Variants in CSMD1 observed in about 807,000 individuals in gnomAD.
CSMD1 encodes the protein CUB and Sushi multiple domains 1.
CSMD1 carries 213 observed loss-of-function variants against 417.5 expected under a neutral mutation model. That is an observed-to-expected ratio of 0.51 (90% CI 0.46 to 0.57). The LOEUF (loss-of-function observed/expected upper bound fraction) is 0.57, where lower values mean the gene tolerates loss of function less well. CSMD1 is among the 20% of genes least tolerant of loss of function. The probability of loss-of-function intolerance (pLI) is 0.00; values close to 1 mark genes in which losing one functional copy is unlikely to be tolerated. For missense variants in CSMD1, 6,923 were observed against 4,529.7 expected, an observed-to-expected ratio of 1.53 and a Z score of -15.17; for synonymous variants, 2,862 against 1,736.8, an observed-to-expected ratio of 1.65 and a Z score of -16.11.
chr8:3,722,186 G>T (rs1802217754), intron 6 of CSMD1, among the ~76,000 whole-genome samples: 1 of 152,260 alleles, frequency 6.6e-6, no homozygotes, highest in East Asian at 1.9e-4. Flanking sequence ...GCTGGCACCT[G>T]CAGGCCCACC....
At chr8:4,078,809 G>A (rs976001030) in intron 3 of CSMD1, among the ~76,000 whole-genome samples, 11 of 148,288 alleles carry the variant, frequency 7.4e-5, no homozygotes, top group Non-Finnish European at 3.0e-5. Context: ...GCCAAGGCAG[G>A]TAGATTACTT....
chr8:4,041,247 G>A (rs1343384548), intron 3 of CSMD1, among the ~76,000 whole-genome samples: 32 of 151,874 alleles, frequency 2.1e-4, no homozygotes, highest in Admixed American at 2.0e-3. Flanking sequence ...ACGATCTCCT[G>A]ACCTCGTGAT....
chr8:3,467,537 C>A (rs1048517690), intron 12 of CSMD1, among the ~76,000 whole-genome samples: 7 of 152,328 alleles, frequency 4.6e-5, no homozygotes, highest in Non-Finnish European at 7.4e-5. Flanking sequence ...TGTAAATATA[C>A]ATTTTTTGTC....
chr8:4,170,264 C>G (rs1797695934), intron 3 of CSMD1, among the ~76,000 whole-genome samples: 1 of 151,688 alleles, frequency 6.6e-6, no homozygotes, highest in Non-Finnish European at 1.5e-5. Context: ...GAATTACCCC[C>G]TTGCCTTGGG....
intron 1 of CSMD1, among the ~76,000 whole-genome samples, chr8:4,876,403 GA>G (rs1425968863): frequency 6.6e-6 from 1 of 152,014 alleles, no homozygotes; most frequent in Non-Finnish European, 1.5e-5. Flanking sequence ...ACCGTTAAAG[GA>G]GTACAAGTGG....
Position 3,630,969 on chromosome 8 carries a change from G to A in CSMD1, c.1010-14172C>T, listed in dbSNP as rs75179795. On this transcript the variant is annotated intron_variant, in intron 7 of 69. Transcript: ENST00000635120. ...TCCAAGAGATGAGACTGAAAAGCAT[G>A]GGAATCATTGATGTGACCTAGAATG... is the stretch of plus-strand genomic sequence containing the variant. 3.2e-3 allele frequency among the ~76,000 whole-genome samples: 486 copies of A among 152,266 alleles called. 3 individuals carry two copies. Among genetic ancestry groups the A allele is most frequent in the African/African-American group, 0.011 (460 of 41,548 alleles).
intron 12 of CSMD1, among the ~76,000 whole-genome samples, chr8:3,457,461 A>C (rs928914719): frequency 7.2e-5 from 11 of 152,324 alleles, no homozygotes; most frequent in African/African-American, 2.2e-4. Context: ...ACATGCTCAC[A>C]TGTTAAAGCA....
chr8:3,958,399 G>A (rs1485757203), intron 5 of CSMD1, among the ~76,000 whole-genome samples: 1 of 151,340 alleles, frequency 6.6e-6, no homozygotes, highest in East Asian at 1.9e-4. Context: ...CAAAAAGGAG[G>A]CAGAAAAAAT....
intron 3 of CSMD1, among the ~76,000 whole-genome samples, chr8:4,118,482 T>G (rs892916102): frequency 1.2e-3 from 4 of 3,390 alleles, no homozygotes; most frequent in African/African-American, 1.3e-3. Flanking sequence ...CCAGCAAACA[T>G]ATAGAAAAAA....
At chr8:3,426,504 T>C (rs1406320879) in intron 12 of CSMD1, among the ~76,000 whole-genome samples, 3 of 152,192 alleles carry the variant, frequency 2.0e-5, no homozygotes, top group Non-Finnish European at 2.9e-5. Context: ...TTTCCCTCAA[T>C]TGCCTCCTCT....
intron 1 of CSMD1, among the ~76,000 whole-genome samples, chr8:4,709,210 G>C (rs558703370): frequency 6.6e-6 from 1 of 152,160 alleles, no homozygotes; most frequent in Non-Finnish European, 1.5e-5. Flanking sequence ...GGAATTCCTC[G>C]ATGGTAGAAG....
intron 3 of CSMD1, among the ~76,000 whole-genome samples, chr8:4,196,343 G>C (rs1340692787): frequency 6.6e-6 from 1 of 152,306 alleles, no homozygotes; most frequent in African/African-American, 2.4e-5. Flanking sequence ...AGCGGCTTAA[G>C]AGAATACAGT....
chr8:3,267,043 G>C (rs1195791252), intron 26 of CSMD1, among the ~76,000 whole-genome samples: 1 of 152,174 alleles, frequency 6.6e-6, no homozygotes, highest in Non-Finnish European at 1.5e-5. Context: ...AAATGTCAGA[G>C]ACTTGAGCAT....
intron 15 of CSMD1, among the ~76,000 whole-genome samples, chr8:3,403,574 C>G (rs941576529): frequency 6.6e-6 from 1 of 152,178 alleles, no homozygotes; most frequent in Non-Finnish European, 1.5e-5. Flanking sequence ...GTGGTCCACA[C>G]TCACCCTGCA....
intron 2 of CSMD1, among the ~76,000 whole-genome samples, chr8:4,524,408 T>C (rs1796399291): frequency 6.6e-6 from 1 of 152,156 alleles, no homozygotes; most frequent in Non-Finnish European, 1.5e-5. Context: ...TACACTAGTA[T>C]TCAAGAGTTG....
intron 1 of CSMD1, among the ~76,000 whole-genome samples, chr8:4,663,116 T>C (rs1483334021): frequency 6.6e-6 from 1 of 152,146 alleles, no homozygotes; most frequent in Non-Finnish European, 1.5e-5. Context: ...CACGTGGGCT[T>C]AGGACGCCAC....
rs374020703 is a variant in CSMD1 at position 3,591,747 on chromosome 8, C to T, written c.1098-5487G>A. Among the ~76,000 whole-genome samples the T allele has an allele frequency of 2.9e-4, 44 of 150,140 alleles. No homozygotes were observed. The South Asian group carries it at 3.0e-3, about 10-fold the overall frequency. ...ATTAGATGACAGATACACAGATAAA[C>T]GGAGAGACAGATGATAGACAAAGAG... is the stretch of plus-strand genomic sequence containing the variant. On this transcript the variant is annotated intron_variant, in intron 8 of 69. Transcript: ENST00000635120.
intron 2 of CSMD1, among the ~76,000 whole-genome samples, chr8:4,541,337 G>A (rs1797374008): frequency 6.6e-6 from 1 of 152,176 alleles, no homozygotes; most frequent in East Asian, 1.9e-4. Flanking sequence ...ATTACAGTGG[G>A]TACTGCCTTT....
intron 3 of CSMD1, among the ~76,000 whole-genome samples, chr8:4,186,901 C>T (rs1021953743): frequency 1.3e-5 from 2 of 151,708 alleles, no homozygotes; most frequent in African/African-American, 4.8e-5. Context: ...GAGGCTGAGG[C>T]AGGAGAATCA....
Sources: allele counts gnomAD v4.1 joint callset (sites outside exome capture counted in the v4.1 genomes callset), GRCh38; gene constraint gnomAD v4.1.1; transcripts MANE v1.5; gene names NCBI Gene and HGNC (gene_info 2026-07-23, HGNC 2026-07-21).